TYW1: variants seen among roughly 807,000 people sequenced by gnomAD.
TYW1 encodes the protein tRNA-yW synthesizing protein 1 homolog.
Under a neutral mutation model 96.2 loss-of-function variants are expected in TYW1, and 46 were observed. The observed-to-expected ratio is 0.48, with a 90% CI of 0.38 to 0.61. The LOEUF (loss-of-function observed/expected upper bound fraction) is 0.61, where lower values mean the gene tolerates loss of function less well. Ranked by LOEUF, TYW1 falls within the 20% of genes least tolerant of loss-of-function variation. TYW1 has a pLI of 0.00. For missense variants in TYW1, 684 were observed against 909.6 expected, an observed-to-expected ratio of 0.75 and a Z score of 3.19; for synonymous variants, 274 against 323.0, an observed-to-expected ratio of 0.85 and a Z score of 1.63.
chr7:67,185,546 C>T (rs1799991423), intron 14 of TYW1, among the ~76,000 whole-genome samples: 1 of 152,160 alleles, frequency 6.6e-6, no homozygotes, highest in Non-Finnish European at 1.5e-5. Flanking sequence ...GGGTTTTTGG[C>T]TTAAGCCATT....
chr7:67,072,925 G>C (rs1222582708), intron 10 of TYW1, among the ~76,000 whole-genome samples: 1 of 133,704 alleles, frequency 7.5e-6, no homozygotes, highest in Admixed American at 7.8e-5. Context: ...GTGCCACAAT[G>C]CCTATCCAGT....
At chr7:67,094,879 C>T (rs886220097) in intron 11 of TYW1, among the ~76,000 whole-genome samples, 13 of 152,144 alleles carry the variant, frequency 8.5e-5, no homozygotes, top group Middle Eastern at 3.4e-3. Flanking sequence ...GAATCCCTAG[C>T]GCTTCCTGTG....
At chr7:67,079,742 C>T (rs576737237) in intron 10 of TYW1, among the ~76,000 whole-genome samples, 1 of 152,032 alleles carries the variant, frequency 6.6e-6, no homozygotes, top group African/African-American at 2.4e-5. Context: ...TTATAAACTT[C>T]CCTCTTAGTA....
At chr7:67,168,005 G>A (rs1320688939) in intron 13 of TYW1, among the ~76,000 whole-genome samples, 1 of 151,946 alleles carries the variant, frequency 6.6e-6, no homozygotes, top group East Asian at 1.9e-4. Flanking sequence ...CGCCCACCTC[G>A]GCCTCCCAAA....
intron 7 of TYW1, among the ~76,000 whole-genome samples, chr7:67,047,580 A>C (rs1019795931): frequency 6.6e-6 from 1 of 151,216 alleles, no homozygotes; most frequent in African/African-American, 2.4e-5. Flanking sequence ...TTTGCCTTGC[A>C]TTTTGATTAT....
intron 14 of TYW1, among the ~76,000 whole-genome samples, chr7:67,188,758 C>T (rs1413006140): frequency 3.3e-5 from 5 of 152,098 alleles, no homozygotes; most frequent in African/African-American, 1.2e-4. Context: ...TATTATGGTA[C>T]CTCAAGGTCA....
At chr7:67,026,588 A>G (rs894750444) in intron 7 of TYW1, among the ~76,000 whole-genome samples, 1 of 152,102 alleles carries the variant, frequency 6.6e-6, no homozygotes, top group Non-Finnish European at 1.5e-5. Context: ...TCTTAGATCT[A>G]GATTGATCTA....
intron 8 of TYW1, among the ~76,000 whole-genome samples, chr7:67,052,885 G>A (rs1483316514): frequency 2.0e-5 from 3 of 151,462 alleles, no homozygotes; most frequent in South Asian, 2.1e-4. Context: ...GAGTAATTGC[G>A]TGCCCACTAC....
chr7:67,023,165 C>CG (rs1189877663), intron 6 of TYW1, among the ~76,000 whole-genome samples: 3 of 151,992 alleles, frequency 2.0e-5, no homozygotes, highest in Non-Finnish European at 1.5e-5. Flanking sequence ...GTCACGATCT[C>CG]GGCTCACTGC....
intron 3 of TYW1, among the ~76,000 whole-genome samples, chr7:67,005,372 G>GAA (rs1793538813): frequency 6.6e-6 from 1 of 152,186 alleles, no homozygotes; most frequent in East Asian, 1.9e-4. Flanking sequence ...AAGGCAGGTG[G>GAA]ATCACTTGAG....
At chr7:67,208,620 G>A (rs1800892699) in intron 15 of TYW1, among the ~76,000 whole-genome samples, 1 of 151,310 alleles carries the variant, frequency 6.6e-6, no homozygotes, top group Non-Finnish European at 1.5e-5. Flanking sequence ...AACCCGTGAG[G>A]CGGAGGTTGC....
intron 9 of TYW1, among the ~76,000 whole-genome samples, chr7:67,059,313 C>T (rs1795624268): frequency 6.6e-6 from 1 of 151,556 alleles, no homozygotes; most frequent in Admixed American, 6.6e-5. Flanking sequence ...CCTTGTTAGC[C>T]AGGATGGTCT....
At chr7:67,034,149 G>C (rs984315868) in intron 7 of TYW1, among the ~76,000 whole-genome samples, 2 of 149,898 alleles carry the variant, frequency 1.3e-5, no homozygotes, top group Admixed American at 1.3e-4. Context: ...TGTTGCCCAG[G>C]CCGGAGTGCA....
chr7:67,211,752 A>G (rs1801032934), intron 15 of TYW1, among the ~76,000 whole-genome samples: 1 of 152,194 alleles, frequency 6.6e-6, no homozygotes, highest in East Asian at 1.9e-4. Context: ...ATTCGACTGC[A>G]GTGTATATAG....
At position 67,088,905 on chromosome 7, in the gene TYW1, A is replaced by G. The variant is rs570859697; in HGVS notation, c.1384+5366A>G. Among the ~76,000 whole-genome samples the G allele has an allele frequency of 5.1e-3, 773 of 152,272 alleles. 5 individuals carry two copies. Among genetic ancestry groups the G allele is most frequent in the African/African-American group, 0.018 (736 of 41,560 alleles). ...TTTTAATAATATTGTATCTATGGGA[A>G]TACAAATTTCAGGCTTAAACAGAAA... On this transcript the variant is annotated intron_variant, in intron 11 of 15. Transcript: ENST00000359626.
chr7:67,137,076 GTTCTGGGATTACAGGT>G (rs1798286922), intron 13 of TYW1, among the ~76,000 whole-genome samples: 1 of 150,290 alleles, frequency 6.7e-6, no homozygotes, highest in African/African-American at 2.5e-5. Flanking sequence ...GCCTCCCAAA[GTTCTGGGATTACAGGT>G]GTGAGCCACC....
At chr7:67,035,216 T>A (rs1172957519) in intron 7 of TYW1, among the ~76,000 whole-genome samples, 2 of 151,952 alleles carry the variant, frequency 1.3e-5, no homozygotes, top group African/African-American at 4.8e-5. Flanking sequence ...CCTCCCAGTT[T>A]TAAGTGATTC....
Position 67,104,068 on chromosome 7 carries a change from T to TGA in TYW1, c.1562+5351_1562+5352insAG, listed in dbSNP as rs77384104. On this transcript the variant is annotated intron_variant, in intron 12 of 15. Coordinates refer to ENST00000359626, the MANE Select transcript of TYW1 (RefSeq NM_018264.4). ...AGTAACTGCAATACCACCTGTACTC[T>TGA]GGTATCTTTTCAGGGGAATCTAGAC... 4.5e-3 allele frequency among the ~76,000 whole-genome samples: 683 copies of TGA among 152,302 alleles called. 3 individuals are homozygous for TGA. The highest frequency in any genetic ancestry group is 6.4e-3 in the Non-Finnish European group (437 of 68,030).
intron 11 of TYW1, among the ~76,000 whole-genome samples, chr7:67,088,463 AT>A (rs980744718): frequency 2.6e-5 from 4 of 152,244 alleles, no homozygotes; most frequent in African/African-American, 7.2e-5. Context: ...AAAAAATGTT[AT>A]GTGATTTCTT....
Sources: gnomAD v4.1 joint callset for allele counts (sites outside exome capture counted in the v4.1 genomes callset) on GRCh38, gnomAD v4.1.1 for gene constraint, MANE v1.5 for transcripts, NCBI Gene and HGNC (gene_info 2026-07-23, HGNC 2026-07-21) for gene names.